Variants in DIAPH3 observed in about 807,000 individuals in gnomAD.
DIAPH3 encodes protein diaphanous homolog 3.
Under a neutral mutation model 144.3 loss-of-function variants are expected in DIAPH3, and 117 were observed. That is an observed-to-expected ratio of 0.81 (90% CI 0.70 to 0.95). The LOEUF (loss-of-function observed/expected upper bound fraction) is 0.95, where lower values mean the gene tolerates loss of function less well. Ranked by LOEUF, DIAPH3 falls within the 40% of genes least tolerant of loss-of-function variation. DIAPH3 has a pLI of 0.00. For synonymous variants in DIAPH3, 519 were observed against 488.9 expected, an observed-to-expected ratio of 1.06 and a Z score of -0.81; for missense variants, 1,421 against 1,412.7, an observed-to-expected ratio of 1.01 and a Z score of -0.09.
intron 20 of DIAPH3, among the ~76,000 whole-genome samples, chr13:59,899,305 C>T (rs978925064): frequency 7.9e-5 from 12 of 152,166 alleles, no homozygotes; most frequent in African/African-American, 2.9e-4. Flanking sequence ...ACTCCTGTGC[C>T]TCTAGAGAAC....
chr13:60,125,410 T>A (rs1594732763), intron 2 of DIAPH3, among the ~76,000 whole-genome samples: 1 of 118,346 alleles, frequency 8.4e-6, no homozygotes, highest in South Asian at 3.0e-4. Context: ...TTTTTTTTTT[T>A]TTTTTTTTTT....
intron 24 of DIAPH3, among the ~76,000 whole-genome samples, chr13:59,822,772 T>C (rs1566365240): frequency 6.6e-6 from 1 of 152,118 alleles, no homozygotes. Flanking sequence ...AAATGTAACA[T>C]AAAAAATAGC....
chr13:59,686,454 T>C (rs1015642426), intron 27 of DIAPH3, among the ~76,000 whole-genome samples: 3 of 151,620 alleles, frequency 2.0e-5, no homozygotes, highest in Non-Finnish European at 4.4e-5. Context: ...GTGACTGTCA[T>C]GCAAGAGTAC....
intron 21 of DIAPH3, among the ~76,000 whole-genome samples, chr13:59,874,604 C>T (rs982642212): frequency 6.6e-5 from 10 of 152,072 alleles, no homozygotes; most frequent in East Asian, 1.9e-4. Flanking sequence ...AACTCTGAGA[C>T]GAACTCATTA....
At chr13:59,763,316 GTATA>G in intron 27 of DIAPH3, among the ~76,000 whole-genome samples, 1 of 151,110 alleles carries the variant, frequency 6.6e-6, no homozygotes, top group East Asian at 2.0e-4. Context: ...GTGTATATAT[GTATA>G]TACATATATG....
At chr13:60,096,099 T>C (rs1024596860) in intron 3 of DIAPH3, among the ~76,000 whole-genome samples, 1 of 152,224 alleles carries the variant, frequency 6.6e-6, no homozygotes, top group Non-Finnish European at 1.5e-5. Flanking sequence ...TTTATGAACA[T>C]AGGTAACATT....
At chr13:59,808,627 C>T (rs2040311743) in intron 25 of DIAPH3, among the ~76,000 whole-genome samples, 1 of 151,994 alleles carries the variant, frequency 6.6e-6, no homozygotes, top group Admixed American at 6.6e-5. Flanking sequence ...ATTGAAAAGT[C>T]AGCAATAACT....
chr13:60,041,135 A>G (rs1014553278), intron 5 of DIAPH3, among the ~76,000 whole-genome samples: 4 of 80,808 alleles, frequency 4.9e-5, no homozygotes, highest in African/African-American at 2.0e-4. Context: ...CTGGACAAAT[A>G]TATTTTTAAA....
At chr13:59,675,090 C>T (rs2032571711) in intron 27 of DIAPH3, among the ~76,000 whole-genome samples, 1 of 152,156 alleles carries the variant, frequency 6.6e-6, no homozygotes, top group African/African-American at 2.4e-5. Context: ...GAGACAGGGT[C>T]TTGCTCTGTC....
chr13:59,863,045 C>T (rs542091124), intron 21 of DIAPH3, among the ~76,000 whole-genome samples: 1 of 152,178 alleles, frequency 6.6e-6, no homozygotes, highest in Admixed American at 6.5e-5. Flanking sequence ...AAAGAGGTTA[C>T]GGGCTTGAGA....
intron 4 of DIAPH3, among the ~76,000 whole-genome samples, chr13:60,070,282 A>ATT (rs61432510): frequency 7.5e-6 from 1 of 132,548 alleles, no homozygotes; most frequent in African/African-American, 2.8e-5. Flanking sequence ...TTTCTGTTGG[A>ATT]TTTTTTTTTT....
intron 27 of DIAPH3, among the ~76,000 whole-genome samples, chr13:59,753,031 T>C (rs2037091044): frequency 1.3e-5 from 2 of 152,212 alleles, no homozygotes. Context: ...AATATTTTAC[T>C]CTCTGGCAGA....
intron 20 of DIAPH3, among the ~76,000 whole-genome samples, chr13:59,889,940 C>G (rs1270454746): frequency 6.6e-6 from 1 of 152,126 alleles, no homozygotes; most frequent in African/African-American, 2.4e-5. Flanking sequence ...TGGGTCTAGA[C>G]TAGGTCTTTA....
At chr13:59,761,031 C>T (rs1409989483) in intron 27 of DIAPH3, among the ~76,000 whole-genome samples, 2 of 152,184 alleles carry the variant, frequency 1.3e-5, no homozygotes, top group East Asian at 3.8e-4. Context: ...TAAAGTACAT[C>T]ATGGCTAACA....
intron 27 of DIAPH3, among the ~76,000 whole-genome samples, chr13:59,719,768 G>A (rs1369807910): frequency 6.6e-6 from 1 of 152,054 alleles, no homozygotes; most frequent in African/African-American, 2.4e-5. Context: ...ATTGGACTGA[G>A]AGGCAGACTT....
chr13:59,872,033 G>A (rs536212882), intron 21 of DIAPH3, among the ~76,000 whole-genome samples: 6 of 152,010 alleles, frequency 3.9e-5, no homozygotes, highest in African/African-American at 1.4e-4. Flanking sequence ...TCAGATATTG[G>A]TGGGTTTGAT....
At chr13:60,152,797 G>C (rs559944859) in intron 1 of DIAPH3, among the ~76,000 whole-genome samples, 7 of 144,910 alleles carry the variant, frequency 4.8e-5, no homozygotes, top group African/African-American at 1.5e-4. Context: ...AAACTGTTTT[G>C]AAACACATTG....
chr13:59,671,775 C>T (rs2032387111), intron 27 of DIAPH3, among the ~76,000 whole-genome samples: 1 of 152,192 alleles, frequency 6.6e-6, no homozygotes, highest in Admixed American at 6.5e-5. Context: ...AGAATTGAAT[C>T]TAGAGACCCA....
At chr13:59,892,998 A>G (rs914089996) in intron 20 of DIAPH3, among the ~76,000 whole-genome samples, 2 of 152,156 alleles carry the variant, frequency 1.3e-5, no homozygotes, top group Non-Finnish European at 2.9e-5. Context: ...AGAAACCATT[A>G]GAGTATTTGA....
Sources: allele counts gnomAD v4.1 joint callset (sites outside exome capture counted in the v4.1 genomes callset), GRCh38; gene constraint gnomAD v4.1.1; transcripts MANE v1.5; gene names NCBI Gene and HGNC (gene_info 2026-07-23, HGNC 2026-07-21).